The following ZNF292 variants were observed in gnomAD, a reference collection of about 807,000 sequenced individuals.
ZNF292 encodes zinc finger protein 292, also known as 16 zinc-finger domain protein.
Under a neutral mutation model 217.9 loss-of-function variants are expected in ZNF292, and 26 were observed. The observed-to-expected ratio is 0.12, with a 90% CI of 0.09 to 0.17. The LOEUF (loss-of-function observed/expected upper bound fraction) is 0.17, where lower values mean the gene tolerates loss of function less well. ZNF292 is among the 10% of genes least tolerant of loss of function. The pLI is 1.00. For synonymous variants in ZNF292, 1,257 were observed against 1,124.1 expected, an observed-to-expected ratio of 1.12 and a Z score of -2.37; for missense variants, 2,904 against 3,175.2, an observed-to-expected ratio of 0.91 and a Z score of 2.05.
intron 1 of ZNF292, among the ~76,000 whole-genome samples, chr6:87,177,721 T>C (rs1163944711): frequency 1.3e-5 from 2 of 152,250 alleles, no homozygotes; most frequent in Non-Finnish European, 2.9e-5. Context: ...CTACTAGTTA[T>C]GGGCTCATTT....
chr6:87,245,757 T>C, intron 7 of ZNF292, 113 bp downstream of exon 7: 1 of 666,886 alleles, frequency 1.5e-6, no homozygotes, highest in Non-Finnish European at 2.3e-6. Context: ...TTTTTTCAGT[T>C]AGTCCTTTGA....
chr6:87,168,595 G>A (rs985771816), intron 1 of ZNF292, among the ~76,000 whole-genome samples: 2 of 151,896 alleles, frequency 1.3e-5, no homozygotes, highest in Admixed American at 6.6e-5. Context: ...TCAGTCTCCC[G>A]AGTAACTGGG....
chr6:87,238,854 A>G (rs9344694), intron 5 of ZNF292, among the ~76,000 whole-genome samples: 93,893 of 149,004 alleles, frequency 0.63, 31,051 homozygotes, highest in African/African-American at 0.85. Context: ...GTGTCCCTGG[A>G]TACTTGAGAT....
In ZNF292 at chr6:87,256,136, A is replaced by C; in HGVS notation, c.2507A>C (p.Glu836Ala). 1 of 1,613,710 alleles carries C rather than the reference A, an allele frequency of 6.2e-7. No homozygotes were observed. ...KHLDDHSTPPEKVLPPEAQLN... is the reference protein window; with the variant it reads ...KHLDDHSTPPAKVLPPEAQLN... ...CTGGATGATCACAGTACTCCTCCTGAAAAAGTGCTGCCTCCTGAAGCCCAA... is the reference window on the plus strand; with the variant it reads ...CTGGATGATCACAGTACTCCTCCTGCAAAAGTGCTGCCTCCTGAAGCCCAA... The change falls in exon 8 of 8, where the codon GAA becomes GCA. Residue 836 changes from glutamate (E) to alanine (A), a missense_variant. Around this residue, in one of 15 missense-constraint regions of ZNF292, gnomAD observed 687 missense variants for 623.0 expected, o/e 1.10. Transcript: ENST00000369577.
At chr6:87,180,968 C>T (rs1352748016) in intron 1 of ZNF292, among the ~76,000 whole-genome samples, 2 of 152,152 alleles carry the variant, frequency 1.3e-5, no homozygotes, top group African/African-American at 2.4e-5. Flanking sequence ...AGCTCAAACC[C>T]CTAGGGCGAG....
At position 87,257,483 on chromosome 6, in the gene ZNF292, C is replaced by A. The variant is rs1306274354; in HGVS notation, c.3854C>A (p.Ser1285Tyr). The change falls in exon 8 of 8, where the codon TCT (serine) becomes TAT (tyrosine). Residue 1285 changes from serine to tyrosine, a missense_variant. Coordinates refer to ENST00000369577, the MANE Select transcript of ZNF292 (RefSeq NM_015021.3). Reference sequence around the variant, plus strand: ...TCACCAGCAGATAGTGGGACTAATTCTGTTTTTTCCCAACTGGAAAATAAT... The same window carrying A: ...TCACCAGCAGATAGTGGGACTAATTATGTTTTTTCCCAACTGGAAAATAAT... ...FPSPADSGTNSVFSQLENNTN... is the reference protein window; with the variant it reads ...FPSPADSGTNYVFSQLENNTN... The A allele has an allele frequency of 2.5e-6, 4 of 1,612,332 alleles. No homozygotes were observed. In the African/African-American group the frequency reaches 5.3e-5, roughly 22 times the overall value.
intron 1 of ZNF292, among the ~76,000 whole-genome samples, chr6:87,214,794 T>G (rs755254697): frequency 1.3e-5 from 2 of 152,170 alleles, no homozygotes; most frequent in Non-Finnish European, 2.9e-5. Flanking sequence ...GTTTACCAGC[T>G]TACTTTTTCT....
In ZNF292 at chr6:87,260,521, G is replaced by C. The variant is rs375310797; in HGVS notation, c.6892G>C (p.Gly2298Arg). Reference sequence around the variant, plus strand: ...GATTCGTCCAAGAAGATTAACACCAGGCCAGGAAAATATGTCAAGCAAGGC... The same window carrying C: ...GATTCGTCCAAGAAGATTAACACCACGCCAGGAAAATATGTCAAGCAAGGC... Reference protein sequence around the residue: ...HLIRPRRLTPGQENMSSKANQ... With the variant: ...HLIRPRRLTPRQENMSSKANQ... The change falls in exon 8 of 8, where the codon GGC becomes CGC. Residue 2298 changes from glycine to arginine, a missense_variant. By Grantham distance (125) the Gly-to-Arg change is moderately radical (BLOSUM62 -2). Transcript: ENST00000369577. The C allele has an allele frequency of 6.2e-6, 10 of 1,613,044 alleles. No homozygotes were observed. The highest frequency in any genetic ancestry group is 7.6e-6 in the Non-Finnish European group (9 of 1,179,586).
At position 87,262,471 on chromosome 6, in the gene ZNF292, A is replaced by G. The variant is rs1322192365; in HGVS notation, c.*670A>G. ...AGGATTTTGGGGTGGTATTCATGTG[A>G]AATTAAAGCAGATTCTCTAGCAGTT... On this transcript the variant is annotated 3_prime_UTR_variant, in exon 8 of 8. Coordinates refer to ENST00000369577, the MANE Select transcript of ZNF292 (RefSeq NM_015021.3). The G allele has an allele frequency of 6.6e-6, 1 of 151,956 alleles. No individual in the cohort carries two copies. The highest frequency in any genetic ancestry group is 1.5e-5 in the Non-Finnish European group (1 of 67,896). The allele number at this position is 151,956 out of a possible 1,614,324, so 9.4% of individuals were successfully genotyped here.
At chr6:87,238,762 G>A (rs986410864) in intron 5 of ZNF292, among the ~76,000 whole-genome samples, 1 of 151,416 alleles carries the variant, frequency 6.6e-6, no homozygotes, top group Non-Finnish European at 1.5e-5. Context: ...GACAATAGTG[G>A]AGGGAAGGTC....
chr6:87,224,817 GCCGTTATAAAC>G (rs1773260999), intron 4 of ZNF292, among the ~76,000 whole-genome samples: 1 of 152,142 alleles, frequency 6.6e-6, no homozygotes, highest in Non-Finnish European at 1.5e-5. Flanking sequence ...TTTGAATAAA[GCCGTTATAAAC>G]ATGTGCATGC....
rs530428463 is a variant in ZNF292, at chr6:87,239,194, G to A, written c.742-4281G>A. Among the ~76,000 whole-genome samples, 975 of 152,326 alleles carry A rather than the reference G, an allele frequency of 6.4e-3. 5 individuals are homozygous for A. The highest frequency in any genetic ancestry group is 0.023 in the African/African-American group (937 of 41,556). ...TGGCCCGTTCTCAATGAGCTGTTGG[G>A]TACACCTCCCAGACGGGGTGGCGGC... On this transcript the variant is annotated intron_variant, in intron 5 of 7. Transcript: ENST00000369577.
rs777723427 is a variant in ZNF292 at position 87,260,587 on chromosome 6, C to T, written c.6958C>T (p.His2320Tyr). The T allele has an allele frequency of 1.9e-6, 3 of 1,612,698 alleles. No homozygotes were observed. The Admixed American group carries it at 5.0e-5, about 27-fold the overall frequency. The change falls in exon 8 of 8, where the codon CAC becomes TAC. Residue 2320 changes from histidine to tyrosine, a missense_variant. By Grantham distance (83) the His-to-Tyr change is moderately conservative. Transcript: ENST00000369577. ...KSKSKHRGTK[H>Y]SRCGKEGIKM... is the part of the protein sequence containing the mutation. Reference sequence around the variant, plus strand: ...AAAGTCTAAACATCGGGGGACCAAGCACAGCAGATGTGGAAAGGAAGGAAT... The same window carrying T: ...AAAGTCTAAACATCGGGGGACCAAGTACAGCAGATGTGGAAAGGAAGGAAT...
At chr6:87,234,325 G>A (rs1349649719) in intron 5 of ZNF292, among the ~76,000 whole-genome samples, 18 of 152,118 alleles carry the variant, frequency 1.2e-4, no homozygotes, top group African/African-American at 7.2e-5. Flanking sequence ...TTGGGAGGCC[G>A]AGGCGGGCGG....
intron 7 of ZNF292, among the ~76,000 whole-genome samples, chr6:87,248,126 A>G (rs1189420775): frequency 1.3e-5 from 2 of 152,216 alleles, no homozygotes; most frequent in African/African-American, 4.8e-5. Flanking sequence ...CAAAGGTGCT[A>G]CCATTGTGTA....
intron 1 of ZNF292, among the ~76,000 whole-genome samples, chr6:87,169,230 G>A (rs1771013896): frequency 6.6e-6 from 1 of 151,790 alleles, no homozygotes; most frequent in African/African-American, 2.4e-5. Flanking sequence ...TAGTGAAGAC[G>A]GGGTTTCACC....
chr6:87,160,080 G>A (rs117907496), intron 1 of ZNF292, among the ~76,000 whole-genome samples: 196 of 152,284 alleles, frequency 1.3e-3, no homozygotes, highest in Non-Finnish European at 2.1e-3. Context: ...AACATCTACT[G>A]TATACAGGCT....
At chr6:87,226,654 TATATAG>T (rs1011571640) in intron 4 of ZNF292, among the ~76,000 whole-genome samples, 7 of 98,438 alleles carry the variant, frequency 7.1e-5, no homozygotes, top group African/African-American at 3.8e-4. Context: ...TATCTATATA[TATATAG>T]ATATATAGAT....
chr6:87,208,367 TC>T (rs1443124300), intron 1 of ZNF292, among the ~76,000 whole-genome samples: 2 of 152,098 alleles, frequency 1.3e-5, no homozygotes, highest in Admixed American at 1.3e-4. Context: ...TATTCTGACT[TC>T]CTGGAACTCC....
Sources: gnomAD v4.1 joint callset for allele counts (sites outside exome capture counted in the v4.1 genomes callset) on GRCh38, gnomAD v4.1.1 for gene constraint, gnomAD v4.1.1 regional missense constraint, MANE v1.5 for transcripts, NCBI Gene and HGNC (gene_info 2026-07-23, HGNC 2026-07-21) for gene names.